The following FAN1 variants were observed in gnomAD, a reference collection of about 807,000 sequenced individuals.
FAN1 encodes the protein fanconi-associated nuclease 1.
Under a neutral mutation model 104.9 loss-of-function variants are expected in FAN1, and 91 were observed. The ratio of observed to expected loss-of-function variants is 0.87; its 90% CI spans 0.73 to 1.03. FAN1 has a LOEUF of 1.03. Among genes scored for constraint, FAN1 ranks in the 50% least tolerant of loss-of-function variants. The probability of loss-of-function intolerance (pLI) is 0.00; values close to 1 mark genes in which losing one functional copy is unlikely to be tolerated. For synonymous variants in FAN1, 478 were observed against 457.6 expected, an observed-to-expected ratio of 1.04 and a Z score of -0.57; for missense variants, 1,263 against 1,239.9, an observed-to-expected ratio of 1.02 and a Z score of -0.28.
chr15:30,910,951 T>C, intron 4 of FAN1, 136 bp downstream of exon 4: 1 of 1,380,114 alleles, frequency 7.2e-7, no homozygotes, highest in South Asian at 1.9e-5. Flanking sequence ...GGAAAAGCCT[T>C]AATTGCAATA....
Position 30,930,683 on chromosome 15 carries a change from C to A in FAN1, c.2916+12C>A. 2 of 1,612,118 alleles carry A rather than the reference C, an allele frequency of 1.2e-6. No homozygotes were observed. The highest frequency in any genetic ancestry group is 1.7e-5 in the Admixed American group (1 of 59,544). The stretch of plus-strand genomic sequence containing the variant: ...GCCGTCACTTTAAGGTCAGTTGAGG[C>A]AGAATGGAAAGTCCTGTTGGTAACC... On this transcript the variant is annotated intron_variant, in intron 13 of 14. Transcript: ENST00000362065.
In FAN1 at chr15:30,904,690, C is replaced by A. The variant is rs916700095; in HGVS notation, c.27C>A (p.Asp9Glu). The A allele has an allele frequency of 6.2e-7, 1 of 1,603,320 alleles. No homozygotes were observed. The highest frequency in any genetic ancestry group is 8.5e-7 in the Non-Finnish European group (1 of 1,175,112). Residue 9 changes from aspartate (D) to glutamate (E), a missense_variant, in exon 2 of 15, where the codon GAC becomes GAA. By Grantham distance (45) the Asp-to-Glu change is conservative. Transcript: ENST00000362065. The part of the protein sequence containing the change: MMSEGKPP[D>E]KKRPRRSLSI... ...TGATGTCAGAAGGGAAACCTCCTGA[C>A]AAAAAAAGGCCTCGTAGAAGCTTAT...
intron 10 of FAN1, chr15:30,927,896 C>T: frequency 2.0e-6 from 2 of 985,772 alleles, no homozygotes; most frequent in African/African-American, 1.7e-5. Context: ...CACCTGACTT[C>T]TGTCTCTCAG....
At position 30,942,196 on chromosome 15, in the gene FAN1, T is replaced by C; in HGVS notation, c.*634T>C. The C allele has an allele frequency of 8.4e-7, 1 of 1,193,686 alleles. No individual in the cohort carries two copies. Among genetic ancestry groups the C allele is most frequent in the Non-Finnish European group, 1.2e-6 (1 of 854,588 alleles). The allele number at this position is 1,193,686 out of a possible 1,614,324, so 73.9% of individuals were successfully genotyped here. The stretch of plus-strand genomic sequence containing the variant: ...GGAATTTCAGCCTCAAAGAACATTT[T>C]CCTCCCTTCCTTTGTGTCCTTATTC... On this transcript the variant is annotated 3_prime_UTR_variant, in exon 15 of 15. Coordinates refer to ENST00000362065, the MANE Select transcript of FAN1 (RefSeq NM_014967.5).
chr15:30,920,350 C>T (rs2062296605), intron 6 of FAN1, among the ~76,000 whole-genome samples, 195 bp from the exon 7 acceptor site: 2 of 152,244 alleles, frequency 1.3e-5, no homozygotes, highest in South Asian at 2.1e-4. Context: ...TCTTACTCCA[C>T]TGTCTGAGTG....
rs906205628 is a variant in FAN1, at chr15:30,905,988, G to A, written c.1234+91G>A. The A allele has an allele frequency of 1.6e-5, 19 of 1,197,854 alleles. No homozygotes were observed. In the Admixed American group the frequency reaches 2.5e-4, roughly 16 times the overall value. 74.2% of individuals were successfully genotyped at this position (1,197,854 alleles called of 1,614,324 possible). A position where few individuals can be genotyped will look rare whatever the true frequency, so the allele number is the denominator to read the frequency against. On this transcript the variant is annotated intron_variant, in intron 2 of 14. Transcript: ENST00000362065. ...TGTGATGGGCAGTAATCTAGTGACC[G>A]CAAGGAGTCACTGTGGTGTTGTGAG...
intron 13 of FAN1, among the ~76,000 whole-genome samples, chr15:30,933,685 T>C (rs1314370420): frequency 6.6e-6 from 1 of 152,240 alleles, no homozygotes; most frequent in African/African-American, 2.4e-5. Flanking sequence ...ACTGATTTCT[T>C]ATTTACTTGT....
chr15:30,905,615 GATTCAGAGGCAA>G lies in FAN1; in HGVS notation c.954_965del (p.Asp318_Lys322delinsGlu). 2 of 1,614,090 alleles carry G rather than the reference GATTCAGAGGCAA, an allele frequency of 1.2e-6. No individual in the cohort carries two copies. Among genetic ancestry groups the G allele is most frequent in the Non-Finnish European group, 1.7e-6 (2 of 1,179,968 alleles). On this transcript the variant is annotated inframe_deletion, in exon 2 of 15. Transcript: ENST00000362065. ...TTCAGAAGCTAAAATACAGCTGTCA[GATTCAGAGGCAA>G]AATCTCATAGTTCTGCAGATGATGC...
chr15:30,937,091 TAAC>T (rs777879441), intron 13 of FAN1, 25 bp from the exon 14 acceptor site: 4 of 1,599,258 alleles, frequency 2.5e-6, no homozygotes, highest in South Asian at 2.3e-5. Context: ...AAGATACTAA[TAAC>T]AACTTTTAAA....
At chr15:30,929,426 G>A in intron 12 of FAN1, 29 bp downstream of exon 12, 1 of 1,566,164 alleles carries the variant, frequency 6.4e-7, no homozygotes, top group Non-Finnish European at 8.7e-7. Context: ...GGCAGGATTT[G>A]CTCAGAAAGT....
chr15:30,942,782 T>C lies in FAN1; in HGVS notation c.*1220T>C. The C allele has an allele frequency of 8.7e-7, 1 of 1,146,306 alleles. No homozygotes were observed. Among genetic ancestry groups the C allele is most frequent in the Non-Finnish European group, 1.2e-6 (1 of 830,728 alleles). The allele number at this position is 1,146,306 out of a possible 1,614,324, so 71.0% of individuals were successfully genotyped here. A position where few individuals can be genotyped will look rare whatever the true frequency, so the allele number is the denominator to read the frequency against. ...GGAATGACCCCTCAGAAACCCGCAT[T>C]AGCAGTGTTACTCTTGGAAGTGCCT... On this transcript the variant is annotated 3_prime_UTR_variant, in exon 15 of 15. Coordinates refer to ENST00000362065, the MANE Select transcript of FAN1 (RefSeq NM_014967.5).
Position 30,910,724 on chromosome 15 carries a change from C to T in FAN1, c.1486C>T (p.Leu496=), listed in dbSNP as rs2062080651. The change falls in exon 4 of 15, where the codon CTG becomes TTG. Residue 496 remains leucine, a synonymous_variant. Transcript: ENST00000362065. ...GAATCCCAATGGACAGAAACAGCAG[C>T]TGGTGGACGCCTTTCTCAAATTGGC... ...LVNPNGQKQQ[L]VDAFLKLAKQ... The T allele has an allele frequency of 1.2e-6, 2 of 1,614,080 alleles. No individual in the cohort carries two copies. Among genetic ancestry groups the T allele is most frequent in the Non-Finnish European group, 1.7e-6 (2 of 1,179,998 alleles).
intron 13 of FAN1, 146 bp from the exon 14 acceptor site, chr15:30,936,973 C>T: frequency 1.5e-6 from 1 of 658,710 alleles, no homozygotes; most frequent in South Asian, 2.0e-5. Context: ...AAGTGAAGGA[C>T]CATCCGTATA....
At position 30,925,953 on chromosome 15, in the gene FAN1, C is replaced by G. The variant is rs992078026; in HGVS notation, c.2488+14C>G. 1 of 1,613,492 alleles carries G rather than the reference C, an allele frequency of 6.2e-7. No homozygotes were observed. Among genetic ancestry groups the G allele is most frequent in the African/African-American group, 1.3e-5 (1 of 74,938 alleles). On this transcript the variant is annotated intron_variant, in intron 10 of 14. Transcript: ENST00000362065. The stretch of plus-strand genomic sequence containing the variant: ...GTTTTGACCAGGGTAACTGAGCAGG[C>G]TTTCTCTTGTGGCACCCAGCCCCGG...
In FAN1 at chr15:30,904,623, C is replaced by T. The variant is rs763370888; in HGVS notation, c.-41C>T. ...ATTGCTATCTTTCACCTTAAATATC[C>T]TGTGTTTTATTGCTCAGAACATCCA... On this transcript the variant is annotated 5_prime_UTR_variant, in exon 2 of 15. Transcript: ENST00000362065. The T allele has an allele frequency of 2.4e-5, 38 of 1,592,474 alleles. No individual in the cohort carries two copies. The highest frequency in any genetic ancestry group is 3.2e-5 in the Non-Finnish European group (37 of 1,163,574).
At chr15:30,939,858 C>T (rs139084393) in intron 14 of FAN1, 6 of 985,318 alleles carry the variant, frequency 6.1e-6, no homozygotes, top group Non-Finnish European at 7.2e-6. Flanking sequence ...TTTGTATAAA[C>T]TGAAACTAGC....
chr15:30,908,308 G>A (rs2062027343), intron 3 of FAN1, 50 bp downstream of exon 3: 2 of 1,472,974 alleles, frequency 1.4e-6, no homozygotes, highest in East Asian at 2.4e-5. Flanking sequence ...CTGAAGAACT[G>A]AGCTTCTGCA....
chr15:30,908,640 G>T (rs1224581210), intron 3 of FAN1, among the ~76,000 whole-genome samples: 2 of 152,140 alleles, frequency 1.3e-5, no homozygotes, highest in Admixed American at 6.5e-5. Context: ...GAGGTTGGGG[G>T]TTCGAGACCA....
At chr15:30,933,777 T>A (rs1036093807) in intron 13 of FAN1, among the ~76,000 whole-genome samples, 8 of 151,998 alleles carry the variant, frequency 5.3e-5, no homozygotes, top group African/African-American at 1.9e-4. Context: ...TTTTGTTTTT[T>A]GAGACAGACT....
Sources: gnomAD v4.1 joint callset for allele counts (sites outside exome capture counted in the v4.1 genomes callset) on GRCh38, gnomAD v4.1.1 for gene constraint, MANE v1.5 for transcripts, NCBI Gene and HGNC (gene_info 2026-07-23, HGNC 2026-07-21) for gene names.